AGAP1: variants seen among roughly 807,000 people sequenced by gnomAD.
The protein encoded by AGAP1 is ArfGAP with GTPase domain, ankyrin repeat and PH domain 1.
A neutral mutation model predicts 105.3 loss-of-function variants in AGAP1; 29 were observed. The observed-to-expected ratio is 0.28, with a 90% CI of 0.21 to 0.38. The LOEUF (loss-of-function observed/expected upper bound fraction) is 0.38, where lower values mean the gene tolerates loss of function less well. Ranked by LOEUF, AGAP1 falls within the 10% of genes least tolerant of loss-of-function variation. The probability of loss-of-function intolerance (pLI) is 1.00; values close to 1 mark genes in which losing one functional copy is unlikely to be tolerated. For synonymous variants in AGAP1, 509 were observed against 485.9 expected (o/e 1.05, Z -0.63); for missense variants, 998 against 1,165.1 (o/e 0.86, Z 2.09).
chr2:235,605,817 G>A (rs1314094958), intron 1 of AGAP1, among the ~76,000 whole-genome samples: 2 of 152,224 alleles, frequency 1.3e-5, no homozygotes, highest in African/African-American at 4.8e-5. Flanking sequence ...GATCCGATGA[G>A]TATAGAGGAC....
rs532560698 is a variant in AGAP1 at position 235,969,992 on chromosome 2, A to G, written c.1645+1369A>G. ...CAAGGCAGGAAGATCACCTGACGTC[A>G]GGAGTTTGAGACCAGCCTGGCCAAC... is the stretch of plus-strand genomic sequence containing the variant. On this transcript the variant is annotated intron_variant, in intron 13 of 17. Coordinates refer to ENST00000304032, the MANE Select transcript of AGAP1 (RefSeq NM_001037131.3). 4.6e-5 allele frequency among the ~76,000 whole-genome samples: 7 copies of G among 152,218 alleles called. No homozygotes were observed. In the South Asian group the frequency reaches 1.5e-3, roughly 32 times the overall value.
In AGAP1 at chr2:235,599,030, G is replaced by A. The variant is rs1166179968; in HGVS notation, c.163+104181G>A. ...CGTCTGTGGTGGTGTACACAGATGA[G>A]CTCACTGCTGTCCTCGGAGCAGGTA... is the stretch of plus-strand genomic sequence containing the variant. On this transcript the variant is annotated intron_variant, in intron 1 of 17. Transcript: ENST00000304032. The surrounding 1 kb of genome is among the most constrained non-coding windows in gnomAD (Gnocchi z 5.3). 6.6e-6 allele frequency among the ~76,000 whole-genome samples: 1 copy of A among 152,182 alleles called. No individual in the cohort carries two copies. The highest frequency in any genetic ancestry group is 1.5e-5 in the Non-Finnish European group (1 of 68,036).
At chr2:235,547,574 G>A (rs908985732) in intron 1 of AGAP1, among the ~76,000 whole-genome samples, 2 of 152,068 alleles carry the variant, frequency 1.3e-5, no homozygotes, top group Non-Finnish European at 2.9e-5. Flanking sequence ...GGCCAGATTG[G>A]TCTCAAACTC....
At chr2:235,606,945 G>GAAA (rs5839603) in intron 1 of AGAP1, among the ~76,000 whole-genome samples, 14 of 61,924 alleles carry the variant, frequency 2.3e-4, no homozygotes, top group South Asian at 7.0e-4. Flanking sequence ...ACTGCCTCTT[G>GAAA]AAAAAAAAAA....
rs528528978 is a variant in AGAP1 at position 235,574,695 on chromosome 2, A to G, written c.163+79846A>G. On this transcript the variant is annotated intron_variant, in intron 1 of 17. Coordinates refer to ENST00000304032, the MANE Select transcript of AGAP1 (RefSeq NM_001037131.3). The surrounding 1 kb of genome is among the most constrained non-coding windows in gnomAD (Gnocchi z 5.0). ...CTAAAAGGAAGGTCTTTTGCTTTTT[A>G]AAGAGACTGTATTAAGAGGAATAAT... is the stretch of plus-strand genomic sequence containing the variant. Among the ~76,000 whole-genome samples the G allele has an allele frequency of 6.6e-6, 1 of 152,328 alleles. No homozygotes were observed. Among genetic ancestry groups the G allele is most frequent in the South Asian group, 2.1e-4 (1 of 4,830 alleles).
chr2:235,766,102 T>C (rs958775677), intron 6 of AGAP1, among the ~76,000 whole-genome samples: 3 of 152,250 alleles, frequency 2.0e-5, no homozygotes, highest in Non-Finnish European at 4.4e-5. Flanking sequence ...AGCCATTGGC[T>C]ACATTAAAAA....
At position 236,123,964 on chromosome 2, in the gene AGAP1, C is replaced by G; in HGVS notation, c.2416C>G (p.Leu806Val). The change falls in exon 18 of 18, where the codon CTG (leucine) becomes GTG (valine). Residue 806 changes from leucine (L) to valine (V), a missense_variant. By Grantham distance (32) the Leu-to-Val change is conservative. Around this residue, in one of 3 missense-constraint regions of AGAP1, gnomAD observed 235 missense variants for 270.7 expected, o/e 0.87. Coordinates refer to ENST00000304032, the MANE Select transcript of AGAP1 (RefSeq NM_001037131.3). This position sits in a 1 kb window ranked among gnomAD's most constrained non-coding sequence, Gnocchi z 4.6. Reference protein sequence around the residue: ...TARDAHGNTALAYARQASSQE... With the variant: ...TARDAHGNTAVAYARQASSQE... ...CCGAGATGCCCACGGGAACACAGCTCTGGCCTACGCCCGGCAGGCCTCCAG... is the reference window on the plus strand; with the variant it reads ...CCGAGATGCCCACGGGAACACAGCTGTGGCCTACGCCCGGCAGGCCTCCAG... 4.3e-6 allele frequency: 7 copies of G among 1,613,910 alleles called. No homozygotes were observed. Among genetic ancestry groups the G allele is most frequent in the Non-Finnish European group, 5.9e-6 (7 of 1,179,980 alleles).
At chr2:236,008,556 G>A (rs1278220546) in intron 13 of AGAP1, among the ~76,000 whole-genome samples, 1 of 152,148 alleles carries the variant, frequency 6.6e-6, no homozygotes, top group Non-Finnish European at 1.5e-5. Context: ...CAGTGGATTT[G>A]GGGTGCACCT....
chr2:235,542,516 A>G (rs1209667192), intron 1 of AGAP1, among the ~76,000 whole-genome samples: 1 of 152,208 alleles, frequency 6.6e-6, no homozygotes, highest in African/African-American at 2.4e-5. Context: ...TTCATTGTTA[A>G]AAAGGAAAAA....
chr2:235,691,404 C>T lies in AGAP1; in HGVS notation c.164-17775C>T, dbSNP rs767904224. Among the ~76,000 whole-genome samples, 3 of 152,206 alleles carry T rather than the reference C, an allele frequency of 2.0e-5. No homozygotes were observed. The highest frequency in any genetic ancestry group is 1.9e-4 in the East Asian group (1 of 5,186). ...GGAGACAGGAATTGTTACACGTCTC[C>T]GTTGCGAGAAGCAAAAGTAGATTTA... On this transcript the variant is annotated intron_variant, in intron 1 of 17. Coordinates refer to ENST00000304032, the MANE Select transcript of AGAP1 (RefSeq NM_001037131.3). The surrounding 1 kb of genome is among the most constrained non-coding windows in gnomAD (Gnocchi z 4.4).
chr2:235,704,350 T>A (rs993505293), intron 1 of AGAP1, among the ~76,000 whole-genome samples: 2 of 152,202 alleles, frequency 1.3e-5, no homozygotes, highest in Admixed American at 1.3e-4. Flanking sequence ...GGGAGCTTGT[T>A]AGAAATGCTG....
chr2:236,032,467 G>A (rs2057252995), intron 13 of AGAP1, among the ~76,000 whole-genome samples: 1 of 152,176 alleles, frequency 6.6e-6, no homozygotes, highest in Non-Finnish European at 1.5e-5. Context: ...AACGTCAGGT[G>A]CTCCAGAAAG....
chr2:235,933,937 A>G (rs1183830512), intron 12 of AGAP1, among the ~76,000 whole-genome samples: 1 of 152,230 alleles, frequency 6.6e-6, no homozygotes, highest in Non-Finnish European at 1.5e-5. Context: ...AGATAATCTC[A>G]TTTGATCCTC....
rs1167518567 is a variant in AGAP1, at chr2:235,782,599, C to G, written c.674-15160C>G. On this transcript the variant is annotated intron_variant, in intron 6 of 17. Transcript: ENST00000304032. ...TATGCTTGTTGTTTTTTTCCCCCTT[C>G]AAAATGAATTTGCAAAAGCATCACT... is the stretch of plus-strand genomic sequence containing the variant. Among the ~76,000 whole-genome samples, 4 of 152,008 alleles carry G rather than the reference C, an allele frequency of 2.6e-5. No homozygotes were observed. In the East Asian group the frequency reaches 5.8e-4, roughly 22 times the overall value.
rs143272639 is a variant in AGAP1 at position 235,864,344 on chromosome 2, C to G, written c.1051-19001C>G. Among the ~76,000 whole-genome samples, 211 of 152,324 alleles carry G rather than the reference C, an allele frequency of 1.4e-3. No individual in the cohort carries two copies. The highest frequency in any genetic ancestry group is 2.3e-3 in the Non-Finnish European group (159 of 68,026). ...CGGCCTGGAGGCCTGGGTGTGCTTCCTAGGCAGGCAGTTGGATTCTGTTTA... is the reference window on the plus strand; with the variant it reads ...CGGCCTGGAGGCCTGGGTGTGCTTCGTAGGCAGGCAGTTGGATTCTGTTTA... On this transcript the variant is annotated intron_variant, in intron 9 of 17. Coordinates refer to ENST00000304032, the MANE Select transcript of AGAP1 (RefSeq NM_001037131.3). This position sits in a 1 kb window ranked among gnomAD's most constrained non-coding sequence, Gnocchi z 5.0.
In AGAP1 at chr2:235,786,307, G is replaced by A. The variant is rs141840135; in HGVS notation, c.674-11452G>A. Among the ~76,000 whole-genome samples, 909 of 152,312 alleles carry A rather than the reference G, an allele frequency of 6.0e-3. 8 individuals are homozygous for A. Among genetic ancestry groups the A allele is most frequent in the African/African-American group, 0.021 (883 of 41,572 alleles). On this transcript the variant is annotated intron_variant, in intron 6 of 17. Transcript: ENST00000304032. ...TGTGTTTAATTGTAGCATTTGAAAT[G>A]TTACATATTTTCTAATGAGAGTCTA...
In AGAP1 at chr2:235,553,457, T is replaced by C. The variant is rs1943877706; in HGVS notation, c.163+58608T>C. ...AAACTACATGATTGTGTTGCTAGGATTAGTTAAGAACTGATTTGAGGTCAC... is the reference window on the plus strand; with the variant it reads ...AAACTACATGATTGTGTTGCTAGGACTAGTTAAGAACTGATTTGAGGTCAC... On this transcript the variant is annotated intron_variant, in intron 1 of 17. Transcript: ENST00000304032. This position sits in a 1 kb window ranked among gnomAD's most constrained non-coding sequence, Gnocchi z 4.5. 6.6e-6 allele frequency among the ~76,000 whole-genome samples: 1 copy of C among 152,156 alleles called. No individual in the cohort carries two copies. The highest frequency in any genetic ancestry group is 6.6e-5 in the Admixed American group (1 of 15,266).
chr2:236,049,311 G>A (rs762130673), intron 16 of AGAP1, 30 bp downstream of exon 16: 25 of 1,590,940 alleles, frequency 1.6e-5, no homozygotes, highest in African/African-American at 9.4e-5. Context: ...CCTGGCTCCC[G>A]ACACGTTTGC....
At chr2:235,532,107 A>G (rs1248195664) in intron 1 of AGAP1, among the ~76,000 whole-genome samples, 1 of 152,254 alleles carries the variant, frequency 6.6e-6, no homozygotes. Flanking sequence ...TCAATGTGTT[A>G]TATGCAAATA....
Sources: gnomAD v4.1 joint callset for allele counts (sites outside exome capture counted in the v4.1 genomes callset) on GRCh38, gnomAD v4.1.1 for gene constraint, gnomAD v4.1.1 regional missense constraint, Gnocchi (gnomAD v3.1) non-coding constraint, MANE v1.5 for transcripts, NCBI Gene and HGNC (gene_info 2026-07-23, HGNC 2026-07-21) for gene names.